The following CSMD1 variants were observed in gnomAD, a reference collection of about 807,000 sequenced individuals.
The protein encoded by CSMD1 is CUB and sushi domain-containing protein 1.
CSMD1 carries 213 observed loss-of-function variants against 417.5 expected under a neutral mutation model. The ratio of observed to expected loss-of-function variants is 0.51; its 90% CI spans 0.46 to 0.57. CSMD1 has a LOEUF of 0.57. Among genes scored for constraint, CSMD1 ranks in the 20% least tolerant of loss-of-function variants. CSMD1 has a pLI of 0.00. For synonymous variants in CSMD1, 2,862 were observed against 1,736.8 expected, an observed-to-expected ratio of 1.65 and a Z score of -16.11; for missense variants, 6,923 against 4,529.7, an observed-to-expected ratio of 1.53 and a Z score of -15.17.
chr8:3,650,440 GA>G (rs751727568), intron 7 of CSMD1, among the ~76,000 whole-genome samples: 25 of 152,084 alleles, frequency 1.6e-4, no homozygotes, highest in Non-Finnish European at 3.2e-4. Context: ...CTATGAATAG[GA>G]AAACTCATCG....
intron 3 of CSMD1, among the ~76,000 whole-genome samples, chr8:4,327,844 G>A (rs1384397046): frequency 2.6e-5 from 4 of 152,042 alleles, no homozygotes; most frequent in South Asian, 2.1e-4. Context: ...ATTTTTGTTT[G>A]AAAGATGACA....
At chr8:3,941,209 C>A (rs1346495560) in intron 5 of CSMD1, among the ~76,000 whole-genome samples, 16 of 152,012 alleles carry the variant, frequency 1.1e-4, no homozygotes, top group Non-Finnish European at 1.5e-4. Flanking sequence ...TGCTAGAGAA[C>A]AATTCAAAAG....
intron 40 of CSMD1, among the ~76,000 whole-genome samples, chr8:3,149,095 C>T (rs1237187053): frequency 6.6e-6 from 1 of 152,002 alleles, no homozygotes; most frequent in Non-Finnish European, 1.5e-5. Context: ...TTCAGTCTTT[C>T]TTTAAATAGT....
chr8:2,998,561 A>C (rs1444270120), intron 53 of CSMD1, among the ~76,000 whole-genome samples: 4 of 152,186 alleles, frequency 2.6e-5, no homozygotes, highest in African/African-American at 9.7e-5. Context: ...CTCCATACAC[A>C]CCAGCTGACT....
chr8:4,948,410 T>C (rs565518657), intron 1 of CSMD1, among the ~76,000 whole-genome samples: 55 of 152,028 alleles, frequency 3.6e-4, no homozygotes, highest in Non-Finnish European at 6.5e-4. Flanking sequence ...CAGTCATTCA[T>C]TGGGCATATC....
At chr8:4,012,050 G>A (rs1000147396) in intron 4 of CSMD1, among the ~76,000 whole-genome samples, 18 of 152,050 alleles carry the variant, frequency 1.2e-4, no homozygotes, top group Admixed American at 5.2e-4. Context: ...GTACATGGTC[G>A]GTACAGATGC....
At chr8:4,425,876 C>T (rs760524529) in intron 2 of CSMD1, among the ~76,000 whole-genome samples, 14 of 151,866 alleles carry the variant, frequency 9.2e-5, no homozygotes, top group African/African-American at 2.7e-4. Flanking sequence ...TTGAATATTT[C>T]AACAAAATAT....
At position 3,873,763 on chromosome 8, in the gene CSMD1, G is replaced by C. The variant is rs182863191; in HGVS notation, c.819-119721C>G. Among the ~76,000 whole-genome samples the C allele has an allele frequency of 1.2e-3, 184 of 152,240 alleles. 1 individual carries two copies. Among genetic ancestry groups the C allele is most frequent in the African/African-American group, 4.3e-3 (177 of 41,548 alleles). ...GTATTAAGGATACAGAGAAAAATCAGATGGCCTGAACCAACGTAGCCCTTG... is the reference window on the plus strand; with the variant it reads ...GTATTAAGGATACAGAGAAAAATCACATGGCCTGAACCAACGTAGCCCTTG... On this transcript the variant is annotated intron_variant, in intron 5 of 69. Transcript: ENST00000635120.
intron 2 of CSMD1, among the ~76,000 whole-genome samples, chr8:4,561,790 G>C (rs1451310284): frequency 6.6e-6 from 1 of 152,168 alleles, no homozygotes; most frequent in Non-Finnish European, 1.5e-5. Flanking sequence ...CATTTGACTT[G>C]ATGAGGCAGA....
At chr8:4,274,489 A>C (rs1796362854) in intron 3 of CSMD1, among the ~76,000 whole-genome samples, 2 of 152,130 alleles carry the variant, frequency 1.3e-5, no homozygotes, top group African/African-American at 4.8e-5. Context: ...TGAAACATCC[A>C]AGCAAATAAC....
chr8:3,971,910 G>C (rs989991545), intron 5 of CSMD1, among the ~76,000 whole-genome samples: 4 of 151,966 alleles, frequency 2.6e-5, no homozygotes, highest in East Asian at 1.9e-4. Flanking sequence ...TTTTGTTCTT[G>C]TTTGTCTATT....
chr8:3,109,532 C>A (rs1325924645), intron 43 of CSMD1, among the ~76,000 whole-genome samples: 1 of 152,274 alleles, frequency 6.6e-6, no homozygotes, highest in Non-Finnish European at 1.5e-5. Flanking sequence ...CCCTCTGCTA[C>A]TTTATTTCCC....
intron 23 of CSMD1, among the ~76,000 whole-genome samples, chr8:3,339,733 T>C (rs1463890053): frequency 1.3e-5 from 2 of 152,172 alleles, no homozygotes; most frequent in African/African-American, 4.8e-5. Context: ...ATGACAATCA[T>C]CCATTCTAAG....
intron 2 of CSMD1, among the ~76,000 whole-genome samples, chr8:4,579,194 G>GTGGT (rs764499127): frequency 2.3e-4 from 35 of 151,928 alleles, no homozygotes; most frequent in Non-Finnish European, 3.4e-4. Flanking sequence ...AAAGTCAGGT[G>GTGGT]TGGTTGCTCT....
At chr8:4,822,125 C>T (rs1190435088) in intron 1 of CSMD1, among the ~76,000 whole-genome samples, 2 of 151,902 alleles carry the variant, frequency 1.3e-5, no homozygotes, top group Non-Finnish European at 2.9e-5. Context: ...CCTATCTTCC[C>T]TTTTTGAAAG....
At position 4,142,703 on chromosome 8, in the gene CSMD1, G is replaced by C. The variant is rs974148340; in HGVS notation, c.416-110604C>G. On this transcript the variant is annotated intron_variant, in intron 3 of 69. Transcript: ENST00000635120. ...GCAGTTATTGGGTGGCTGAGGTTTAGGGCATTCCTAGAGGCCAGACCTGAC... is the reference window on the plus strand; with the variant it reads ...GCAGTTATTGGGTGGCTGAGGTTTACGGCATTCCTAGAGGCCAGACCTGAC... Among the ~76,000 whole-genome samples the C allele has an allele frequency of 2.6e-5, 4 of 151,086 alleles. No homozygotes were observed. In the South Asian group the frequency reaches 6.2e-4, roughly 23 times the overall value.
intron 1 of CSMD1, among the ~76,000 whole-genome samples, chr8:4,703,465 G>A (rs1035745287): frequency 6.6e-6 from 1 of 152,084 alleles, no homozygotes; most frequent in Non-Finnish European, 1.5e-5. Flanking sequence ...AATCACCAAT[G>A]TATGGATAAT....
At chr8:3,290,893 G>T (rs1433632305) in intron 25 of CSMD1, among the ~76,000 whole-genome samples, 11 of 151,940 alleles carry the variant, frequency 7.2e-5, no homozygotes, top group East Asian at 1.9e-4. Context: ...AGGGCATCCT[G>T]GTCTTGTGCC....
At chr8:4,846,117 T>G (rs528259354) in intron 1 of CSMD1, among the ~76,000 whole-genome samples, 1 of 152,216 alleles carries the variant, frequency 6.6e-6, no homozygotes. Context: ...CACGTGGCCA[T>G]TGAGTACCTC....
Sources: allele counts gnomAD v4.1 joint callset (sites outside exome capture counted in the v4.1 genomes callset), GRCh38; gene constraint gnomAD v4.1.1; transcripts MANE v1.5; gene names NCBI Gene and HGNC (gene_info 2026-07-23, HGNC 2026-07-21).